ATF7IP2: variants seen among roughly 807,000 people sequenced by gnomAD.
ATF7IP2 encodes the protein activating transcription factor 7 interacting protein 2.
In ATF7IP2, 42 loss-of-function variants were observed where a neutral mutation model predicts 64.2. The ratio of observed to expected loss-of-function variants is 0.65; its 90% CI spans 0.51 to 0.85. The LOEUF is 0.85. Ranked by LOEUF, ATF7IP2 falls within the 40% of genes least tolerant of loss-of-function variation. The probability of loss-of-function intolerance (pLI) is 0.00; values close to 1 mark genes in which losing one functional copy is unlikely to be tolerated. For missense variants in ATF7IP2, 933 were observed against 784.2 expected, an observed-to-expected ratio of 1.19 and a Z score of -2.27; for synonymous variants, 308 against 272.8, an observed-to-expected ratio of 1.13 and a Z score of -1.27.
chr16:10,451,337 A>G (rs541622994), intron 8 of ATF7IP2, among the ~76,000 whole-genome samples: 9 of 152,194 alleles, frequency 5.9e-5, no homozygotes, highest in South Asian at 2.1e-4. Flanking sequence ...TGGTCTCTGT[A>G]TTTCCTGAAT....
intron 1 of ATF7IP2, among the ~76,000 whole-genome samples, chr16:10,393,307 C>G (rs1398406037): frequency 1.2e-5 from 1 of 86,454 alleles, no homozygotes; most frequent in African/African-American, 5.4e-5. Context: ...CAGAGTGAGA[C>G]TCTGTCTCAA....
At chr16:10,410,324 TTTGTTTTG>T (rs2047729258) in intron 1 of ATF7IP2, among the ~76,000 whole-genome samples, 1 of 15,452 alleles carries the variant, frequency 6.5e-5, no homozygotes, top group South Asian at 2.1e-3. Context: ...TTTGTTTTGT[TTTGTTTTG>T]TTTTGTTTTG....
At chr16:10,447,230 C>G (rs966479996) in intron 8 of ATF7IP2, 3 of 152,366 alleles carry the variant, frequency 2.0e-5, no homozygotes, top group Non-Finnish European at 4.4e-5. Flanking sequence ...TTACCTTGGT[C>G]TGTGCACATA....
chr16:10,459,966 A>C (rs796561433), intron 9 of ATF7IP2, among the ~76,000 whole-genome samples: 1 of 152,204 alleles, frequency 6.6e-6, no homozygotes, highest in African/African-American at 2.4e-5. Context: ...AAAAATACAA[A>C]GTATAGTAAA....
At chr16:10,479,957 A>G (rs1439186279) in intron 12 of ATF7IP2, among the ~76,000 whole-genome samples, 1 of 104,390 alleles carries the variant, frequency 9.6e-6, no homozygotes, top group Non-Finnish European at 2.0e-5. Flanking sequence ...AACTGGAAAT[A>G]CTTTTTTTTT....
intron 1 of ATF7IP2, among the ~76,000 whole-genome samples, chr16:10,410,190 C>G (rs2047726014): frequency 6.6e-6 from 1 of 152,178 alleles, no homozygotes; most frequent in Non-Finnish European, 1.5e-5. Flanking sequence ...AGTATTGTCT[C>G]TACCCATCCG....
chr16:10,475,707 C>A (rs1596632341), intron 12 of ATF7IP2, among the ~76,000 whole-genome samples: 7 of 63,422 alleles, frequency 1.1e-4, no homozygotes, highest in Non-Finnish European at 1.5e-4. Context: ...AAAAAAAACC[C>A]AATCTAAGAA....
intron 1 of ATF7IP2, among the ~76,000 whole-genome samples, chr16:10,410,208 G>A (rs1247366728): frequency 1.3e-5 from 2 of 152,166 alleles, no homozygotes; most frequent in African/African-American, 4.8e-5. Flanking sequence ...CCGTGAGCAC[G>A]GGATGTGTTT....
In ATF7IP2 at chr16:10,481,904, C is replaced by A; in HGVS notation, c.1704C>A (p.Asp568Glu). Residue 568 changes from aspartate to glutamate, a missense_variant, in exon 14 of 14, where the codon GAC becomes GAA. Asp to Glu is a conservative substitution (Grantham distance 45, BLOSUM62 2). Transcript: ENST00000562102. Reference protein sequence around the residue: ...EPPAPLPELVDKTRDTLPPQK... With the variant: ...EPPAPLPELVEKTRDTLPPQK... ...CAGCACCACTACCTGAATTAGTAGA[C>A]AAAACCCGAGACACACTTCCTCCCC... 6.2e-7 allele frequency: 1 copy of A among 1,613,600 alleles called. No individual in the cohort carries two copies. The highest frequency in any genetic ancestry group is 8.5e-7 in the Non-Finnish European group (1 of 1,179,868).
chr16:10,471,146 TCTTA>T (rs899676730), intron 9 of ATF7IP2, among the ~76,000 whole-genome samples: 9 of 152,256 alleles, frequency 5.9e-5, no homozygotes, highest in African/African-American at 9.6e-5. Flanking sequence ...GAACCTCAGC[TCTTA>T]CTTCATACCA....
chr16:10,440,271 T>TA (rs1723877447), intron 7 of ATF7IP2, 93 bp from the exon 8 acceptor site: 2 of 589,522 alleles, frequency 3.4e-6, no homozygotes. Flanking sequence ...GTCTAGGTCT[T>TA]ACAAAACTAC....
At chr16:10,476,720 T>C (rs1046697085) in intron 12 of ATF7IP2, among the ~76,000 whole-genome samples, 3 of 152,148 alleles carry the variant, frequency 2.0e-5, no homozygotes, top group Non-Finnish European at 2.9e-5. Context: ...TGTGTTCTCA[T>C]TGTTTAGCTC....
intron 9 of ATF7IP2, among the ~76,000 whole-genome samples, chr16:10,460,220 T>G (rs1192303492): frequency 6.6e-6 from 1 of 152,102 alleles, no homozygotes; most frequent in Non-Finnish European, 1.5e-5. Flanking sequence ...AGGAATACAT[T>G]TAATAAGAGA....
chr16:10,386,126 C>T lies in ATF7IP2; in HGVS notation c.-242+4C>T, dbSNP rs374830121. 5.9e-3 allele frequency: 896 copies of T among 152,840 alleles called. 9 individuals carry two copies. Among genetic ancestry groups the T allele is most frequent in the Non-Finnish European group, 9.4e-3 (641 of 68,436 alleles). 9.5% of individuals were successfully genotyped at this position (152,840 alleles called of 1,614,324 possible). On this transcript the variant is annotated splice_donor_region_variant and intron_variant, in intron 1 of 13. Transcript: ENST00000562102. ...GGCTGGTGCGTCGTCGCTCTAGGTA[C>T]GTTGGGGCCGGGCGAGTGTCCTGCG...
chr16:10,430,952 A>T lies in ATF7IP2; in HGVS notation c.332A>T (p.Gln111Leu), dbSNP rs758465971. ...GTTCATTCAGAAACAAAATTGGAACAAGTTGTTTGTTCGTACCAAAAGCCA... is the reference window on the plus strand; with the variant it reads ...GTTCATTCAGAAACAAAATTGGAACTAGTTGTTTGTTCGTACCAAAAGCCA... ...EIVHSETKLE[Q>L]VVCSYQKPSR... The change falls in exon 5 of 14, where the codon CAA (glutamine) becomes CTA (leucine). Residue 111 changes from glutamine to leucine, a missense_variant. By Grantham distance (113) the Gln-to-Leu change is moderately radical. Transcript: ENST00000562102. 1.9e-6 allele frequency: 3 copies of T among 1,614,146 alleles called. No homozygotes were observed. The Admixed American group carries it at 5.0e-5, about 27-fold the overall frequency.
rs1486644758 is a variant in ATF7IP2, at chr16:10,431,054, C to G, written c.434C>G (p.Ser145Cys). The G allele has an allele frequency of 3.7e-6, 6 of 1,614,140 alleles. No individual in the cohort carries two copies. The highest frequency in any genetic ancestry group is 4.5e-5 in the East Asian group (2 of 44,886). ...KDSLNTSEND[S>C]EHQTNVTRSL... is the part of the protein sequence containing the mutation. The stretch of plus-strand genomic sequence containing the variant: ...TCACTGAACACTTCTGAAAACGATT[C>G]TGAGCATCAGACAAATGTAACAAGA... The change falls in exon 5 of 14, where the codon TCT becomes TGT. Residue 145 changes from serine to cysteine, a missense_variant. By Grantham distance (112) the Ser-to-Cys change is moderately radical. Transcript: ENST00000562102.
chr16:10,481,310 A>G (rs2050216616), intron 13 of ATF7IP2, among the ~76,000 whole-genome samples: 1 of 152,128 alleles, frequency 6.6e-6, no homozygotes, highest in Admixed American at 6.6e-5. Context: ...GGCTCACTGC[A>G]ACCTCCACCT....
At chr16:10,404,380 G>A (rs1412914514) in intron 1 of ATF7IP2, among the ~76,000 whole-genome samples, 1 of 152,116 alleles carries the variant, frequency 6.6e-6, no homozygotes, top group Non-Finnish European at 1.5e-5. Flanking sequence ...AGCCTCCCGA[G>A]TAGCTGGGAT....
At position 10,468,026 on chromosome 16, in the gene ATF7IP2, C is replaced by T. The variant is rs149838677; in HGVS notation, c.1353-4084C>T. The stretch of plus-strand genomic sequence containing the variant: ...TCCCGAGTAGCTGGGATTAAAGGCA[C>T]GTGCCACCATGCCCGACTAATTTTG... On this transcript the variant is annotated intron_variant, in intron 9 of 13. Coordinates refer to ENST00000562102, the MANE Select transcript of ATF7IP2 (RefSeq NM_001393719.1). 6.5e-4 allele frequency among the ~76,000 whole-genome samples: 98 copies of T among 151,684 alleles called. No individual in the cohort carries two copies. The South Asian group carries it at 0.014, about 21-fold the overall frequency.
Sources: allele counts gnomAD v4.1 joint callset (sites outside exome capture counted in the v4.1 genomes callset), GRCh38; gene constraint gnomAD v4.1.1; transcripts MANE v1.5; gene names NCBI Gene and HGNC (gene_info 2026-07-23, HGNC 2026-07-21).